Variants in GJC1 observed in about 807,000 individuals in gnomAD.
GJC1 encodes the protein gap junction gamma-1 protein.
In GJC1, 5 loss-of-function variants were observed where a neutral mutation model predicts 29.3. The observed-to-expected ratio is 0.17, with a 90% CI of 0.09 to 0.36. The LOEUF (loss-of-function observed/expected upper bound fraction) is 0.36. GJC1 is among the 10% of genes least tolerant of loss of function. GJC1 has a pLI of 1.00. For missense variants in GJC1, 310 were observed against 496.2 expected, an observed-to-expected ratio of 0.62 and a Z score of 3.56; for synonymous variants, 177 against 183.3, an observed-to-expected ratio of 0.97 and a Z score of 0.28.
intron 1 of GJC1, among the ~76,000 whole-genome samples, chr17:44,822,753 G>A (rs1171375331): frequency 2.0e-5 from 3 of 151,430 alleles, no homozygotes; most frequent in Non-Finnish European, 4.4e-5. Flanking sequence ...AAGATGAAGA[G>A]CTCACTTTGG....
At chr17:44,814,574 C>A (rs1427218926) in intron 1 of GJC1, among the ~76,000 whole-genome samples, 1 of 152,094 alleles carries the variant, frequency 6.6e-6, no homozygotes, top group East Asian at 1.9e-4. Flanking sequence ...TGCAGAGGGG[C>A]CCCTCAGTCT....
Position 44,801,469 on chromosome 17 carries a change from G to C in GJC1, c.*3158C>G, listed in dbSNP as rs2049844734. The C allele has an allele frequency of 6.6e-6, 1 of 152,194 alleles. No homozygotes were observed. Among genetic ancestry groups the C allele is most frequent in the African/African-American group, 2.4e-5 (1 of 41,434 alleles). The allele number at this position is 152,194 out of a possible 1,614,324, so 9.4% of individuals were successfully genotyped here. A position where few individuals can be genotyped will look rare whatever the true frequency, so the allele number is the denominator to read the frequency against. ...TGGCAATTCAAAACAGTATGATTCT[G>C]ATGCGAGTGAGAACTAAATGTTGGA... On this transcript the variant is annotated 3_prime_UTR_variant, in exon 3 of 3. Coordinates refer to ENST00000592524, the MANE Select transcript of GJC1 (RefSeq NM_005497.4).
chr17:44,819,797 C>G (rs2050089156), intron 1 of GJC1, among the ~76,000 whole-genome samples: 1 of 151,978 alleles, frequency 6.6e-6, no homozygotes, highest in South Asian at 2.1e-4. Context: ...TGACAGACAC[C>G]TGGGTTGTCT....
chr17:44,798,983 C>G lies in GJC1; in HGVS notation c.*5644G>C, dbSNP rs1270160002. The G allele has an allele frequency of 6.6e-6, 1 of 151,970 alleles. No homozygotes were observed. Among genetic ancestry groups the G allele is most frequent in the African/African-American group, 2.4e-5 (1 of 41,330 alleles). 9.4% of individuals were successfully genotyped at this position (151,970 alleles called of 1,614,324 possible). On this transcript the variant is annotated 3_prime_UTR_variant, in exon 3 of 3. Transcript: ENST00000592524. ...GGGTTCAAGAGATTGTCATCTCATG[C>G]CTCAGCCTCCCAAGTAGCTGTAAGT...
chr17:44,812,664 A>C (rs943165857), intron 1 of GJC1, among the ~76,000 whole-genome samples: 11 of 150,880 alleles, frequency 7.3e-5, no homozygotes, highest in African/African-American at 2.4e-4. Context: ...TTTTTTTTTT[A>C]ATTGAGACAG....
chr17:44,809,865 C>CTA (rs2049954888), intron 1 of GJC1, among the ~76,000 whole-genome samples: 2 of 147,980 alleles, frequency 1.4e-5, no homozygotes, highest in South Asian at 2.2e-4. Flanking sequence ...CCACGCCCAG[C>CTA]CTTTTTTTTT....
intron 1 of GJC1, among the ~76,000 whole-genome samples, chr17:44,815,319 C>A (rs1338907248): frequency 2.0e-5 from 3 of 152,072 alleles, no homozygotes; most frequent in Non-Finnish European, 2.9e-5. Flanking sequence ...AGCTGGGGTC[C>A]AACTGATTTA....
chr17:44,822,004 T>C (rs1382080952), intron 1 of GJC1, among the ~76,000 whole-genome samples: 3 of 151,398 alleles, frequency 2.0e-5, no homozygotes, highest in Non-Finnish European at 2.9e-5. Flanking sequence ...AAGACCATCC[T>C]GGCTAACACT....
intron 1 of GJC1, chr17:44,807,705 T>C (rs1400711930): frequency 2.0e-5 from 3 of 152,114 alleles, no homozygotes; most frequent in African/African-American, 7.2e-5. Context: ...TCTAAGAATA[T>C]ACGACAGGAA....
intron 1 of GJC1, among the ~76,000 whole-genome samples, chr17:44,821,656 C>T (rs1376596417): frequency 7.4e-6 from 1 of 135,132 alleles, no homozygotes; most frequent in Non-Finnish European, 1.5e-5. Flanking sequence ...AAGATCGCGC[C>T]ATTGCACTCC....
intron 1 of GJC1, among the ~76,000 whole-genome samples, chr17:44,823,248 GT>G (rs10710605): frequency 0.33 from 39,337 of 117,678 alleles, 6,516 homozygotes; most frequent in Admixed American, 0.44. Flanking sequence ...TTTCTTTCCT[GT>G]TTTTTTTTTT....
intron 1 of GJC1, among the ~76,000 whole-genome samples, chr17:44,827,393 A>T (rs2050187783): frequency 6.6e-6 from 1 of 152,208 alleles, no homozygotes; most frequent in South Asian, 2.1e-4. Context: ...ATTTTTATCA[A>T]ATATTTTGAA....
At chr17:44,821,732 A>G (rs1169318499) in intron 1 of GJC1, among the ~76,000 whole-genome samples, 1 of 149,738 alleles carries the variant, frequency 6.7e-6, no homozygotes, top group Non-Finnish European at 1.5e-5. Context: ...AAAACAACAA[A>G]AAAACACCAA....
intron 1 of GJC1, among the ~76,000 whole-genome samples, chr17:44,822,337 A>T (rs1005371648): frequency 6.6e-6 from 1 of 151,800 alleles, no homozygotes; most frequent in Non-Finnish European, 1.5e-5. Context: ...TGACGGAATA[A>T]AAACAATCTA....
chr17:44,822,206 A>C (rs1002957212), intron 1 of GJC1, among the ~76,000 whole-genome samples: 3 of 147,964 alleles, frequency 2.0e-5, no homozygotes, highest in African/African-American at 7.8e-5. Context: ...CAAAAAAAAA[A>C]AAAAAAAAAA....
rs886675509 is a variant in GJC1 at position 44,800,973 on chromosome 17, G to C, written c.*3654C>G. Reference sequence around the variant, plus strand: ...AGCCTATTTCTTTTACAAATCTTCTGAATAACGGGTTTTAAGAGCAGGCCA... The same window carrying C: ...AGCCTATTTCTTTTACAAATCTTCTCAATAACGGGTTTTAAGAGCAGGCCA... On this transcript the variant is annotated 3_prime_UTR_variant, in exon 3 of 3. Coordinates refer to ENST00000592524, the MANE Select transcript of GJC1 (RefSeq NM_005497.4). 4 of 150,888 alleles carry C rather than the reference G, an allele frequency of 2.7e-5. No individual in the cohort carries two copies. Among genetic ancestry groups the C allele is most frequent in the Non-Finnish European group, 2.9e-5 (2 of 67,834 alleles). 9.3% of individuals were successfully genotyped at this position (150,888 alleles called of 1,614,324 possible).
chr17:44,822,978 G>A (rs1448109550), intron 1 of GJC1, among the ~76,000 whole-genome samples: 1 of 152,070 alleles, frequency 6.6e-6, no homozygotes, highest in African/African-American at 2.4e-5. Flanking sequence ...CCAAGTCCAA[G>A]AATGACTCAA....
intron 1 of GJC1, among the ~76,000 whole-genome samples, chr17:44,824,808 T>TA (rs11462802): frequency 0.028 from 2,641 of 95,966 alleles, 87 homozygotes; most frequent in African/African-American, 0.08. Flanking sequence ...AAGACTGTCT[T>TA]AAAAAAAAAA....
In GJC1 at chr17:44,827,678, A is replaced by C. The variant is rs550213804; in HGVS notation, c.-97+2384T>G. Among the ~76,000 whole-genome samples the C allele has an allele frequency of 2.2e-3, 330 of 152,212 alleles. 1 individual carries two copies. The highest frequency in any genetic ancestry group is 7.4e-3 in the African/African-American group (309 of 41,548). ...CCGGGCACGGTGGCTCACGCCTGTAATCCCAGCACTCTGGGAGGCCGAGGC... is the reference window on the plus strand; with the variant it reads ...CCGGGCACGGTGGCTCACGCCTGTACTCCCAGCACTCTGGGAGGCCGAGGC... On this transcript the variant is annotated intron_variant, in intron 1 of 2. Transcript: ENST00000592524.
Sources: gnomAD v4.1 joint callset for allele counts (sites outside exome capture counted in the v4.1 genomes callset) on GRCh38, gnomAD v4.1.1 for gene constraint, MANE v1.5 for transcripts, NCBI Gene and HGNC (gene_info 2026-07-23, HGNC 2026-07-21) for gene names.